The following RREB1 variants were observed in gnomAD, a reference collection of about 807,000 sequenced individuals.
The protein encoded by RREB1 is ras responsive element binding protein 1, also known as ras-responsive element-binding protein 1.
RREB1 carries 27 observed loss-of-function variants against 117.8 expected under a neutral mutation model. The observed-to-expected ratio is 0.23, with a 90% CI of 0.17 to 0.32. The LOEUF is 0.32. Ranked by LOEUF, RREB1 falls within the 10% of genes least tolerant of loss-of-function variation. The pLI is 1.00. For missense variants in RREB1, 2,577 were observed against 2,378.2 expected (o/e 1.08, Z -1.74); for synonymous variants, 1,298 against 1,026.7 (o/e 1.26, Z -5.05).
intron 4 of RREB1, among the ~76,000 whole-genome samples, chr6:7,182,863 T>C (rs377184923): frequency 6.6e-6 from 1 of 152,200 alleles, no homozygotes; most frequent in Non-Finnish European, 1.5e-5. Flanking sequence ...TACTAAATCC[T>C]TGGAGAGAAG....
At chr6:7,149,559 A>G (rs1722336092) in intron 1 of RREB1, among the ~76,000 whole-genome samples, 1 of 152,212 alleles carries the variant, frequency 6.6e-6, no homozygotes, top group Non-Finnish European at 1.5e-5. Context: ...TTCTTCCACA[A>G]TTCATGTCTG....
intron 6 of RREB1, among the ~76,000 whole-genome samples, chr6:7,199,577 T>C (rs190917425): frequency 1.3e-5 from 2 of 152,322 alleles, no homozygotes; most frequent in Non-Finnish European, 2.9e-5. Context: ...CTTGCCTTTT[T>C]TTCTTCTTTT....
chr6:7,119,640 A>G (rs1761578758), intron 1 of RREB1, among the ~76,000 whole-genome samples: 1 of 152,224 alleles, frequency 6.6e-6, no homozygotes. Flanking sequence ...AAGACACAGA[A>G]CCAGTGAATT....
chr6:7,139,383 TAAA>T (rs923820980), intron 1 of RREB1: 12 of 152,222 alleles, frequency 7.9e-5, no homozygotes, highest in African/African-American at 2.9e-4. Flanking sequence ...ATCAGTAAGT[TAAA>T]AATATCAGTA....
chr6:7,219,121 A>AG (rs1767088626), intron 8 of RREB1: 1 of 125,892 alleles, frequency 7.9e-6, no homozygotes, highest in Non-Finnish European at 1.6e-5. Flanking sequence ...AAAAAAAAAA[A>AG]AAGCCAGGCA....
intron 6 of RREB1, among the ~76,000 whole-genome samples, chr6:7,201,427 T>C (rs6936191): frequency 0.69 from 104,025 of 151,468 alleles, 36,959 homozygotes; most frequent in African/African-American, 0.88. Context: ...TAGCAAACAC[T>C]GAAGCGTGCC....
intron 9 of RREB1, among the ~76,000 whole-genome samples, chr6:7,228,027 T>C (rs1445470134): frequency 6.6e-6 from 1 of 152,256 alleles, no homozygotes; most frequent in African/African-American, 2.4e-5. Flanking sequence ...AGATCATGCC[T>C]GGGTGACAGA....
chr6:7,126,969 C>CT (rs1174134115), intron 1 of RREB1, among the ~76,000 whole-genome samples: 2 of 152,258 alleles, frequency 1.3e-5, no homozygotes, highest in South Asian at 4.1e-4. Flanking sequence ...CTCAAATGTG[C>CT]AGGGCTTGTC....
intron 1 of RREB1, among the ~76,000 whole-genome samples, chr6:7,113,003 G>A (rs1195064990): frequency 1.3e-5 from 2 of 152,232 alleles, no homozygotes; most frequent in Non-Finnish European, 2.9e-5. Flanking sequence ...AAGTTAGCCA[G>A]TCTGCCCATC....
chr6:7,155,400 G>A (rs1237874434), intron 1 of RREB1, among the ~76,000 whole-genome samples: 1 of 152,206 alleles, frequency 6.6e-6, no homozygotes, highest in African/African-American at 2.4e-5. Context: ...TCCGTCTCCC[G>A]GGTTTAAGCG....
At chr6:7,126,750 C>T (rs1164406382) in intron 1 of RREB1, among the ~76,000 whole-genome samples, 1 of 152,164 alleles carries the variant, frequency 6.6e-6, no homozygotes, top group African/African-American at 2.4e-5. Context: ...TTCTGGGCTC[C>T]TTTTTTCCCA....
intron 1 of RREB1, among the ~76,000 whole-genome samples, chr6:7,174,246 G>A (rs1764389035): frequency 6.8e-6 from 1 of 147,952 alleles, no homozygotes; most frequent in African/African-American, 2.5e-5. Flanking sequence ...CGCTCTTCAA[G>A]CTCTGTGACT....
intron 10 of RREB1, among the ~76,000 whole-genome samples, chr6:7,233,997 T>C (rs1382757462): frequency 1.3e-5 from 2 of 152,032 alleles, no homozygotes; most frequent in African/African-American, 4.8e-5. Flanking sequence ...TCTGCTGTGG[T>C]GGGTCCTTGA....
intron 6 of RREB1, 124 bp downstream of exon 6, chr6:7,189,446 T>C: frequency 1.1e-6 from 1 of 945,756 alleles, no homozygotes; most frequent in Non-Finnish European, 1.5e-6. Flanking sequence ...GCTCTGTCCA[T>C]TGTATGGAAA....
At chr6:7,194,019 T>C (rs1765545356) in intron 6 of RREB1, among the ~76,000 whole-genome samples, 1 of 152,208 alleles carries the variant, frequency 6.6e-6, no homozygotes, top group South Asian at 2.1e-4. Context: ...TAGAACGTTA[T>C]TTTCAATGTT....
chr6:7,175,826 A>G (rs1410261609), intron 1 of RREB1, among the ~76,000 whole-genome samples: 1 of 152,344 alleles, frequency 6.6e-6, no homozygotes, highest in South Asian at 2.1e-4. Context: ...ATTTGGTCCT[A>G]TTTGACGTGT....
intron 8 of RREB1, among the ~76,000 whole-genome samples, chr6:7,222,268 C>G (rs1350455220): frequency 6.6e-6 from 1 of 152,166 alleles, no homozygotes; most frequent in Non-Finnish European, 1.5e-5. Flanking sequence ...TCTAGTTATT[C>G]TGATTTCAGT....
At chr6:7,239,434 C>A (rs1749363368) in intron 10 of RREB1, among the ~76,000 whole-genome samples, 1 of 152,222 alleles carries the variant, frequency 6.6e-6, no homozygotes, top group South Asian at 2.1e-4. Flanking sequence ...CCTCCTTTTT[C>A]CCTTGTGCTT....
Position 7,246,524 on chromosome 6 carries a change from C to T in RREB1, c.4074C>T (p.Arg1358=). Residue 1358 remains arginine (R), a synonymous_variant, in exon 12 of 13, where the codon CGC becomes CGT. Coordinates refer to ENST00000379938, the MANE Select transcript of RREB1 (RefSeq NM_001003699.4). ...EQPSEGATEL[R]QVAGDAPVEQ... ...CGTCGGAGGGCGCCACTGAGCTCCG[C>T]CAGGTCGCAGGGGATGCGCCTGTGG... The T allele has an allele frequency of 2.6e-6, 4 of 1,546,842 alleles. No individual in the cohort carries two copies. Among genetic ancestry groups the T allele is most frequent in the Non-Finnish European group, 3.5e-6 (4 of 1,145,968 alleles).
Sources: gnomAD v4.1 joint callset for allele counts (sites outside exome capture counted in the v4.1 genomes callset) on GRCh38, gnomAD v4.1.1 for gene constraint, MANE v1.5 for transcripts, NCBI Gene and HGNC (gene_info 2026-07-23, HGNC 2026-07-21) for gene names.